ANO4: variants seen among roughly 807,000 people sequenced by gnomAD.
ANO4 encodes anoctamin-4.
Under a neutral mutation model 141.9 loss-of-function variants are expected in ANO4, and 69 were observed. The ratio of observed to expected loss-of-function variants is 0.49; its 90% confidence interval spans 0.40 to 0.59. The LOEUF (loss-of-function observed/expected upper bound fraction) is 0.59. Ranked by LOEUF, ANO4 falls within the 20% of genes least tolerant of loss-of-function variation. The pLI, the probability that ANO4 is intolerant of heterozygous loss-of-function variation, is 0.00. For synonymous variants in ANO4, 350 were observed against 394.3 expected, an observed-to-expected ratio of 0.89 and a Z score of 1.33; for missense variants, 894 against 1,162.2, an observed-to-expected ratio of 0.77 and a Z score of 3.36.
At chr12:100,990,238 G>T (rs1241858980) in intron 8 of ANO4, among the ~76,000 whole-genome samples, 1 of 152,126 alleles carries the variant, frequency 6.6e-6, no homozygotes, top group Non-Finnish European at 1.5e-5. Context: ...TGTGTGCTCT[G>T]GTATTTTGTT....
intron 8 of ANO4, among the ~76,000 whole-genome samples, chr12:101,006,572 C>A (rs1490368441): frequency 2.0e-5 from 3 of 152,162 alleles, no homozygotes; most frequent in African/African-American, 7.2e-5. Flanking sequence ...TATCCACTAG[C>A]AAGACAATGA....
chr12:100,744,510 G>A (rs899227137), intron 3 of ANO4, among the ~76,000 whole-genome samples: 5 of 151,938 alleles, frequency 3.3e-5, no homozygotes, highest in African/African-American at 1.2e-4. Flanking sequence ...ATTTATGAGG[G>A]CTCCACCCTC....
At chr12:101,033,434 A>G (rs980715715) in intron 9 of ANO4, among the ~76,000 whole-genome samples, 1 of 151,944 alleles carries the variant, frequency 6.6e-6, no homozygotes, top group African/African-American at 2.4e-5. Context: ...GACCTGCACA[A>G]TGTGCACATG....
intron 1 of ANO4, among the ~76,000 whole-genome samples, chr12:100,868,398 T>C (rs1052637810): frequency 5.9e-5 from 9 of 152,184 alleles, no homozygotes; most frequent in African/African-American, 2.2e-4. Flanking sequence ...AGCACCTTAG[T>C]AGGTGGTCCA....
intron 17 of ANO4, among the ~76,000 whole-genome samples, chr12:101,087,677 G>A (rs1312303857): frequency 6.6e-6 from 1 of 152,008 alleles, no homozygotes; most frequent in Admixed American, 6.6e-5. Context: ...AAACTCACAC[G>A]TTAAACTGCC....
chr12:101,117,791 G>T (rs544181182), intron 25 of ANO4, among the ~76,000 whole-genome samples: 1 of 152,318 alleles, frequency 6.6e-6, no homozygotes, highest in African/African-American at 2.4e-5. Context: ...AACAGCCATG[G>T]AGTCCTAGAT....
At chr12:100,718,782 G>A (rs7294737) in intron 1 of ANO4, among the ~76,000 whole-genome samples, 2,633 of 152,246 alleles carry the variant, frequency 0.017, 77 homozygotes, top group African/African-American at 0.059. Flanking sequence ...TTACCTGCAC[G>A]CACATTTAAC....
chr12:100,974,401 A>C (rs544157102), intron 6 of ANO4, among the ~76,000 whole-genome samples: 1 of 152,110 alleles, frequency 6.6e-6, no homozygotes, highest in East Asian at 1.9e-4. Context: ...ATACCATGAG[A>C]GACGTGTCTT....
At chr12:100,840,170 A>G (rs2037164342) in intron 1 of ANO4, among the ~76,000 whole-genome samples, 1 of 152,106 alleles carries the variant, frequency 6.6e-6, no homozygotes, top group African/African-American at 2.4e-5. Context: ...GTCTTAGAAA[A>G]CATTAGTTAC....
At chr12:100,768,113 GCTGGTTTGGCA>G (rs2033160717) in intron 3 of ANO4, among the ~76,000 whole-genome samples, 1 of 152,204 alleles carries the variant, frequency 6.6e-6, no homozygotes, top group Admixed American at 6.5e-5. Context: ...GGGCTCTGGA[GCTGGTTTGGCA>G]CTGGCATAGG....
chr12:100,912,817 G>A (rs751414105), intron 2 of ANO4, among the ~76,000 whole-genome samples: 3 of 152,192 alleles, frequency 2.0e-5, no homozygotes, highest in Non-Finnish European at 2.9e-5. Flanking sequence ...TGGAAAAAGC[G>A]ACAAGGGCTA....
intron 16 of ANO4, 39 bp downstream of exon 16, chr12:101,083,857 C>T (rs922325972): frequency 1.3e-6 from 2 of 1,497,296 alleles, no homozygotes; most frequent in African/African-American, 1.4e-5. Context: ...TCATAAAATA[C>T]AAACCTATAG....
At chr12:100,995,740 T>G (rs749599355) in intron 8 of ANO4, among the ~76,000 whole-genome samples, 2 of 152,148 alleles carry the variant, frequency 1.3e-5, no homozygotes, top group Non-Finnish European at 2.9e-5. Flanking sequence ...TTATGTGAAA[T>G]AAAATCACAT....
In ANO4 at chr12:101,086,721, C is replaced by A; in HGVS notation, c.1598C>A (p.Thr533Asn). The A allele has an allele frequency of 6.2e-7, 1 of 1,613,878 alleles. No homozygotes were observed. Among genetic ancestry groups the A allele is most frequent in the South Asian group, 1.1e-5 (1 of 91,080 alleles). Residue 533 changes from threonine (T) to asparagine (N), a missense_variant, in exon 17 of 28, where the codon ACT (threonine) becomes AAT (asparagine). By Grantham distance (65) the Thr-to-Asn change is moderately conservative. Around this residue, in one of 2 missense-constraint regions of ANO4, gnomAD observed 637 missense variants for 909.2 expected, o/e 0.70. Transcript: ENST00000392977. ...IVIYRVVTVS[T>N]FAAFKWALIR... ...ATTTACCGGGTGGTGACTGTCAGCA[C>A]TTTCGCTGCCTTTAAGTGGGCGTTA... is the stretch of plus-strand genomic sequence containing the variant.
chr12:100,960,913 A>C (rs1424420683), intron 5 of ANO4, among the ~76,000 whole-genome samples: 2 of 152,214 alleles, frequency 1.3e-5, no homozygotes, highest in East Asian at 3.8e-4. Context: ...GTCTGTAAGA[A>C]GTGAAGGGAC....
At chr12:100,784,312 G>A (rs2033797709) in intron 3 of ANO4, among the ~76,000 whole-genome samples, 1 of 152,088 alleles carries the variant, frequency 6.6e-6, no homozygotes, top group Admixed American at 6.5e-5. Flanking sequence ...CTCTTGTAGG[G>A]ATCTTCTAAC....
intron 5 of ANO4, among the ~76,000 whole-genome samples, chr12:100,961,867 A>G (rs544149280): frequency 9.5e-4 from 145 of 152,260 alleles, no homozygotes; most frequent in African/African-American, 3.2e-3. Context: ...TTTGGGGGTT[A>G]TTAGTTGCTG....
At chr12:101,075,727 CTT>C (rs1566212206) in intron 14 of ANO4, among the ~76,000 whole-genome samples, 1 of 113,932 alleles carries the variant, frequency 8.8e-6, no homozygotes, top group Non-Finnish European at 2.0e-5. Context: ...ATATATATAT[CTT>C]TATATATATA....
chr12:100,947,378 C>A (rs1348600389), intron 5 of ANO4, among the ~76,000 whole-genome samples: 1 of 152,144 alleles, frequency 6.6e-6, no homozygotes, highest in African/African-American at 2.4e-5. Context: ...AAATGCCACC[C>A]TTCCCCAGTG....
Sources: allele counts gnomAD v4.1 joint callset (sites outside exome capture counted in the v4.1 genomes callset), GRCh38; gene constraint gnomAD v4.1.1; regional missense constraint gnomAD v4.1.1; transcripts MANE v1.5; gene names NCBI Gene and HGNC (gene_info 2026-07-23, HGNC 2026-07-21).